The following ASAH1 variants were observed in gnomAD, a reference collection of about 807,000 sequenced individuals.
ASAH1 encodes N-acylsphingosine amidohydrolase 1.
A neutral mutation model predicts 59.5 loss-of-function variants in ASAH1; 70 were observed. The observed-to-expected ratio is 1.18, with a 90% CI of 0.97 to 1.43. The LOEUF (loss-of-function observed/expected upper bound fraction) is 1.43. Among genes scored for constraint, ASAH1 ranks in the 40% most tolerant of loss-of-function variants. The pLI is 0.00. For missense variants in ASAH1, 660 were observed against 482.5 expected, an observed-to-expected ratio of 1.37 and a Z score of -3.45; for synonymous variants, 213 against 166.5, an observed-to-expected ratio of 1.28 and a Z score of -2.15.
chr8:18,058,780 CAT>C, intron 13 of ASAH1, 53 bp downstream of exon 13: 1 of 1,466,610 alleles, frequency 6.8e-7, no homozygotes, highest in Non-Finnish European at 9.6e-7. Context: ...AAAGATAAAA[CAT>C]AGGGCCAAAT....
At chr8:18,066,830 T>A (rs1309650953) in intron 5 of ASAH1, 1 of 246,366 alleles carries the variant, frequency 4.1e-6, no homozygotes, top group Non-Finnish European at 7.8e-6. Flanking sequence ...AAATACCCTG[T>A]TGATACAATA....
chr8:18,064,849 A>T (rs1183815222), intron 5 of ASAH1: 5 of 266,644 alleles, frequency 1.9e-5, no homozygotes. Context: ...AAATATGATC[A>T]TTTAATACAT....
Position 18,061,406 on chromosome 8 carries a change from G to A in ASAH1, c.756C>T (p.Leu252=), listed in dbSNP as rs1303951221. 1.2e-6 allele frequency: 2 copies of A among 1,612,836 alleles called. No homozygotes were observed. Among genetic ancestry groups the A allele is most frequent in the Non-Finnish European group, 1.7e-6 (2 of 1,178,786 alleles). Residue 252 remains leucine, a synonymous_variant, in exon 10 of 14, where the codon CTC becomes CTT. Coordinates refer to ENST00000637790, the MANE Select transcript of ASAH1 (RefSeq NM_177924.5). ...GKKDVMWIGF[L]TRTVLENSTS... ...TGCTATTTTCCAGAACTGTTCTAGT[G>A]AGGAACCCTATCCACATGACATCTT...
At chr8:18,072,413 T>C (rs1285339640) in intron 2 of ASAH1, among the ~76,000 whole-genome samples, 2 of 152,222 alleles carry the variant, frequency 1.3e-5, no homozygotes. Context: ...ATTACTTGGT[T>C]CTCTAAATAA....
At chr8:18,072,978 G>C (rs899803226) in intron 2 of ASAH1, among the ~76,000 whole-genome samples, 2 of 152,098 alleles carry the variant, frequency 1.3e-5, no homozygotes, top group Non-Finnish European at 2.9e-5. Flanking sequence ...GTAGGTTCAT[G>C]GATCTCAGAG....
chr8:18,072,346 G>A (rs892393003), intron 2 of ASAH1, among the ~76,000 whole-genome samples: 3 of 152,108 alleles, frequency 2.0e-5, no homozygotes, highest in Non-Finnish European at 4.4e-5. Context: ...AGCTGGGGAT[G>A]GGTTATTACC....
upstream of ASAH1, chr8:18,084,667 G>T (rs1299924622): frequency 6.2e-7 from 1 of 1,613,368 alleles, no homozygotes; most frequent in Non-Finnish European, 8.5e-7. Flanking sequence ...CAAGCTGTTG[G>T]TTACCCACTT....
Position 18,067,221 on chromosome 8 carries a change from T to C in ASAH1, c.381A>G (p.Leu127=), listed in dbSNP as rs376826383. Residue 127 remains leucine, a splice_region_variant and synonymous_variant, in exon 5 of 14, where the codon TTA becomes TTG. Coordinates refer to ENST00000637790, the MANE Select transcript of ASAH1 (RefSeq NM_177924.5). The stretch of plus-strand genomic sequence containing the variant: ...TTAAAGCTTCTAAGTGAACTTTACC[T>C]AAAGGTATATCAGTAACAGCGGCAA... ...KGIAAVTDIP[L]GEIISFNIFY... is the part of the protein sequence containing the mutation. 3.6e-4 allele frequency: 572 copies of C among 1,597,180 alleles called. 5 individuals are homozygous for C. The South Asian group carries it at 5.9e-3, about 16-fold the overall frequency.
intron 5 of ASAH1, chr8:18,066,982 G>A: frequency 2.5e-6 from 1 of 394,034 alleles, no homozygotes; most frequent in Non-Finnish European, 4.6e-6. Flanking sequence ...AGTATTTTCT[G>A]CAAAGGGGCA....
intron 5 of ASAH1, 74 bp downstream of exon 5, chr8:18,067,146 T>TGCTGTATGG: frequency 1.6e-6 from 2 of 1,261,308 alleles, no homozygotes; most frequent in South Asian, 1.4e-5. Flanking sequence ...GTGCTGTATG[T>TGCTGTATGG]ATATCACACC....
chr8:18,080,401 C>G (rs1039057540), intron 1 of ASAH1, among the ~76,000 whole-genome samples: 9 of 152,130 alleles, frequency 5.9e-5, no homozygotes, highest in Non-Finnish European at 1.2e-4. Context: ...CTTAGCCTAC[C>G]GCAAGCTGTT....
chr8:18,062,492 G>C, intron 7 of ASAH1, 69 bp from the exon 8 acceptor site: 2 of 1,549,466 alleles, frequency 1.3e-6, no homozygotes, highest in Middle Eastern at 3.4e-4. Flanking sequence ...GATGATGAGG[G>C]CCAGGCATTA....
chr8:18,080,193 C>G (rs575662006), intron 1 of ASAH1, among the ~76,000 whole-genome samples: 1 of 152,326 alleles, frequency 6.6e-6, no homozygotes, highest in South Asian at 2.1e-4. Context: ...AAAGCTGATT[C>G]AATAGCTAAT....
chr8:18,083,890 T>C, intron 1 of ASAH1, 91 bp downstream of exon 1: 1 of 1,536,874 alleles, frequency 6.5e-7, no homozygotes, highest in Non-Finnish European at 8.7e-7. Flanking sequence ...CACGAGGTGT[T>C]CCTTGTACCC....
In ASAH1 at chr8:18,069,737, T is replaced by C. The variant is rs1197233902; in HGVS notation, c.303+55A>G. On this transcript the variant is annotated intron_variant, in intron 4 of 13. Coordinates refer to ENST00000637790, the MANE Select transcript of ASAH1 (RefSeq NM_177924.5). Reference sequence around the variant, plus strand: ...TTGCTGAATTATGCCTTTAAATAAATAACAGCGCATTTTCTATGTGCTTAA... The same window carrying C: ...TTGCTGAATTATGCCTTTAAATAAACAACAGCGCATTTTCTATGTGCTTAA... 2.3e-6 allele frequency: 3 copies of C among 1,294,762 alleles called. No homozygotes were observed. The East Asian group carries it at 7.0e-5, about 30-fold the overall frequency. 80.2% of individuals were successfully genotyped at this position (1,294,762 alleles called of 1,614,324 possible).
intron 2 of ASAH1, among the ~76,000 whole-genome samples, chr8:18,074,316 T>C (rs922198782): frequency 7.2e-5 from 11 of 152,138 alleles, no homozygotes; most frequent in African/African-American, 2.4e-4. Flanking sequence ...CCAAACAACA[T>C]CCAAACTGGT....
intron 2 of ASAH1, among the ~76,000 whole-genome samples, chr8:18,072,260 C>A (rs1800204662): frequency 6.6e-6 from 1 of 152,230 alleles, no homozygotes. Context: ...GCTCCTGAGA[C>A]TGGCAGGGTG....
intron 1 of ASAH1, among the ~76,000 whole-genome samples, chr8:18,077,799 C>A (rs1167957493): frequency 6.6e-6 from 1 of 152,138 alleles, no homozygotes; most frequent in Non-Finnish European, 1.5e-5. Flanking sequence ...GGGGTTGCAA[C>A]TTAATTTTAC....
chr8:18,073,682 T>A (rs1345924147), intron 2 of ASAH1, among the ~76,000 whole-genome samples: 3 of 152,344 alleles, frequency 2.0e-5, no homozygotes, highest in African/African-American at 4.8e-5. Flanking sequence ...TATCTGCCCA[T>A]GGATGCTGCC....
Sources: allele counts gnomAD v4.1 joint callset (sites outside exome capture counted in the v4.1 genomes callset), GRCh38; gene constraint gnomAD v4.1.1; transcripts MANE v1.5; gene names NCBI Gene and HGNC (gene_info 2026-07-23, HGNC 2026-07-21).